The following SLC36A2 variants were observed in gnomAD, a reference collection of about 807,000 sequenced individuals.
SLC36A2 encodes proton-coupled amino acid transporter 2.
Under a neutral mutation model 42.7 loss-of-function variants are expected in SLC36A2, and 39 were observed. That is an observed-to-expected ratio of 0.91 (90% CI 0.71 to 1.19). The LOEUF (loss-of-function observed/expected upper bound fraction) is 1.19, where lower values mean the gene tolerates loss of function less well. SLC36A2 is among the 50% of genes most tolerant of loss of function. The probability of loss-of-function intolerance (pLI) is 0.00; values close to 1 mark genes in which losing one functional copy is unlikely to be tolerated. For synonymous variants in SLC36A2, 237 were observed against 240.8 expected, an observed-to-expected ratio of 0.98 and a Z score of 0.15; for missense variants, 590 against 613.7, an observed-to-expected ratio of 0.96 and a Z score of 0.41.
chr5:151,333,249 A>AG lies in SLC36A2; in HGVS notation c.817_818insC (p.Ile273ThrfsTer5). On this transcript the variant is annotated frameshift_variant, in exon 7 of 10. Coordinates refer to ENST00000335244, the MANE Select transcript of SLC36A2 (RefSeq NM_181776.3). LOFTEE classifies it high-confidence loss of function. Reference sequence around the variant, plus strand: ...CACACCAATGCTTTCAAAAGAAAAAATGGCTGTTCCGAAGAAGAGAGGGTA... The same window carrying AG: ...CACACCAATGCTTTCAAAAGAAAAAAGTGGCTGTTCCGAAGAAGAGAGGGTA... 6.2e-7 allele frequency: 1 copy of AG among 1,614,036 alleles called. No individual in the cohort carries two copies. The highest frequency in any genetic ancestry group is 8.5e-7 in the Non-Finnish European group (1 of 1,179,930).
chr5:151,344,176 C>G lies in SLC36A2; in HGVS notation c.255+1G>C. On this transcript the variant is annotated splice_donor_variant, in intron 2 of 9. Transcript: ENST00000335244. LOFTEE classifies it high-confidence loss of function. Reference sequence around the variant, plus strand: ...GCCCCCACATGTGGCGCCTCTCTTACCAGGATGCCCGCGTTCTTCACAGCG... The same window carrying G: ...GCCCCCACATGTGGCGCCTCTCTTAGCAGGATGCCCGCGTTCTTCACAGCG... The G allele has an allele frequency of 6.2e-7, 1 of 1,613,882 alleles. No individual in the cohort carries two copies. The highest frequency in any genetic ancestry group is 1.3e-5 in the African/African-American group (1 of 75,042).
chr5:151,321,112 A>C (rs1755672544), intron 9 of SLC36A2, among the ~76,000 whole-genome samples: 1 of 151,988 alleles, frequency 6.6e-6, no homozygotes, highest in Non-Finnish European at 1.5e-5. Context: ...CCTGGCACAC[A>C]GTAAGTGTTC....
At chr5:151,325,129 A>T (rs917178576) in intron 8 of SLC36A2, 157 bp downstream of exon 8, 2 of 860,742 alleles carry the variant, frequency 2.3e-6, no homozygotes, top group Non-Finnish European at 3.8e-6. Context: ...AACTCCCAGG[A>T]CAGAGAATCT....
At chr5:151,329,317 A>T (rs544447516) in intron 7 of SLC36A2, among the ~76,000 whole-genome samples, 4 of 152,360 alleles carry the variant, frequency 2.6e-5, no homozygotes, top group South Asian at 4.1e-4. Flanking sequence ...GCTGAATCTA[A>T]CTAGGTAGAT....
rs751392420 is a variant in SLC36A2 at position 151,347,246 on chromosome 5, C to G, written c.164+51G>C. On this transcript the variant is annotated intron_variant, in intron 1 of 9. Transcript: ENST00000335244. The stretch of plus-strand genomic sequence containing the variant: ...ACCCACCTCAGGGTTTTTGCCAATG[C>G]AAGCTTCAGGCTAGAAAGCAGAAAT... 5.6e-6 allele frequency: 9 copies of G among 1,611,296 alleles called. No homozygotes were observed. In the East Asian group the frequency reaches 1.8e-4, roughly 32 times the overall value.
At chr5:151,346,822 A>G (rs770421069) in intron 1 of SLC36A2, among the ~76,000 whole-genome samples, 9 of 152,200 alleles carry the variant, frequency 5.9e-5, no homozygotes, top group Non-Finnish European at 1.2e-4. Flanking sequence ...TATGCTTCTC[A>G]GTTGAAGTAG....
rs1263058002 is a variant in SLC36A2, at chr5:151,333,852, ACAAT to A, written c.745-534_745-531del. Among the ~76,000 whole-genome samples, 4 of 152,180 alleles carry A rather than the reference ACAAT, an allele frequency of 2.6e-5. No homozygotes were observed. The South Asian group carries it at 8.3e-4, about 32-fold the overall frequency. On this transcript the variant is annotated intron_variant, in intron 6 of 9. Coordinates refer to ENST00000335244, the MANE Select transcript of SLC36A2 (RefSeq NM_181776.3). The stretch of plus-strand genomic sequence containing the variant: ...AACTCCATCTCAAAAACAAAACAAA[ACAAT>A]CCTCCAAAAGAAGACCTTACACACC...
At chr5:151,332,935 T>C (rs1457245076) in intron 7 of SLC36A2, among the ~76,000 whole-genome samples, 2 of 152,226 alleles carry the variant, frequency 1.3e-5, no homozygotes, top group African/African-American at 4.8e-5. Flanking sequence ...CCATGGTTCT[T>C]CTTGATTTTA....
intron 8 of SLC36A2, among the ~76,000 whole-genome samples, chr5:151,322,843 G>A (rs974654534): frequency 3.9e-5 from 6 of 152,158 alleles, no homozygotes; most frequent in Non-Finnish European, 4.4e-5. Context: ...AGGCTTCAAG[G>A]GATATTGAGT....
intron 7 of SLC36A2, among the ~76,000 whole-genome samples, chr5:151,327,877 GCT>G (rs746986682): frequency 2.6e-5 from 4 of 152,148 alleles, no homozygotes; most frequent in Non-Finnish European, 4.4e-5. Context: ...ACAGTTCCTA[GCT>G]GGTGATCTAA....
chr5:151,338,675 CAAAAA>C (rs1756227530), intron 5 of SLC36A2: 1 of 182,276 alleles, frequency 5.5e-6, no homozygotes, highest in Admixed American at 6.0e-5. Context: ...TATCCTGTCT[CAAAAA>C]GAAAAAAAAA....
chr5:151,335,224 ACT>A, intron 6 of SLC36A2, 103 bp downstream of exon 6: 2 of 793,824 alleles, frequency 2.5e-6, no homozygotes, highest in Non-Finnish European at 4.3e-6. Flanking sequence ...CTCTCATAAC[ACT>A]CTTACCCACC....
In SLC36A2 at chr5:151,325,384, G is replaced by T; in HGVS notation, c.912C>A (p.Ser304=). 6.2e-7 allele frequency: 1 copy of T among 1,614,152 alleles called. No homozygotes were observed. The highest frequency in any genetic ancestry group is 8.5e-7 in the Non-Finnish European group (1 of 1,180,036). The change falls in exon 8 of 10, where the codon TCC becomes TCA. Residue 304 remains serine (S), a synonymous_variant. Coordinates refer to ENST00000335244, the MANE Select transcript of SLC36A2 (RefSeq NM_181776.3). ...TGCCAATGTATAGGGAAGTGACGAT[G>T]GACATTCCCAAAGACAGGATGGCTG... ...HFPAILSLGM[S]IVTSLYIGMA...
chr5:151,327,974 A>T (rs190877412), intron 7 of SLC36A2, among the ~76,000 whole-genome samples: 35 of 152,324 alleles, frequency 2.3e-4, no homozygotes, highest in African/African-American at 7.2e-4. Context: ...AGATAATTTC[A>T]ACTAATACTA....
In SLC36A2 at chr5:151,316,295, T is replaced by G. The variant is rs1250435383; in HGVS notation, c.*522A>C. The G allele has an allele frequency of 6.2e-6, 1 of 162,152 alleles. No homozygotes were observed. Among genetic ancestry groups the G allele is most frequent in the Non-Finnish European group, 1.4e-5 (1 of 73,952 alleles). The allele number at this position is 162,152 out of a possible 1,614,324, so 10.0% of individuals were successfully genotyped here. A position where few individuals can be genotyped will look rare whatever the true frequency, so the allele number is the denominator to read the frequency against. On this transcript the variant is annotated 3_prime_UTR_variant, in exon 10 of 10. Transcript: ENST00000335244. ...AGTCCAGAGCCTTCCAAGGGAAAGC[T>G]CACAATGTAGTGGAATGCCAGAGGT... is the stretch of plus-strand genomic sequence containing the variant.
At chr5:151,331,461 G>A (rs1010090508) in intron 7 of SLC36A2, among the ~76,000 whole-genome samples, 13 of 151,358 alleles carry the variant, frequency 8.6e-5, no homozygotes, top group African/African-American at 3.2e-4. Context: ...GACTACAGGT[G>A]TGTGCCACTA....
chr5:151,342,559 CT>C (rs1207098662), intron 4 of SLC36A2, among the ~76,000 whole-genome samples: 3 of 152,252 alleles, frequency 2.0e-5, no homozygotes, highest in African/African-American at 7.2e-5. Flanking sequence ...GTCTGCCTTT[CT>C]CACTGGACTA....
chr5:151,330,778 T>C (rs915174037), intron 7 of SLC36A2, among the ~76,000 whole-genome samples: 1 of 152,234 alleles, frequency 6.6e-6, no homozygotes, highest in Non-Finnish European at 1.5e-5. Context: ...GGAAGGGCCC[T>C]ATGTAATTGT....
Position 151,343,575 on chromosome 5 carries a change from CA to C in SLC36A2, c.278del (p.Val93GlyfsTer35), listed in dbSNP as rs1172902641. On this transcript the variant is annotated frameshift_variant, in exon 3 of 10. Transcript: ENST00000335244. LOFTEE classifies it high-confidence loss of function. ...GILMGPLSLLVMGFIACHCMH... is the reference protein window; with the variant it reads ...GILMGPLSLLXMGFIACHCMH... ...TACAGTGGCAGGCAATGAAGCCCAT[CA>C]CCAGCAGACTGAGTGGGCCCATCTG... 8 of 1,614,046 alleles carry C rather than the reference CA, an allele frequency of 5.0e-6. No homozygotes were observed. Among genetic ancestry groups the C allele is most frequent in the Non-Finnish European group, 6.8e-6 (8 of 1,180,034 alleles).
Sources: gnomAD v4.1 joint callset for allele counts (sites outside exome capture counted in the v4.1 genomes callset) on GRCh38, gnomAD v4.1.1 for gene constraint, MANE v1.5 for transcripts, NCBI Gene and HGNC (gene_info 2026-07-23, HGNC 2026-07-21) for gene names.